The following DPYS variants were observed in gnomAD, a reference collection of about 807,000 sequenced individuals.
DPYS encodes the protein dihydropyrimidine amidohydrolase.
A neutral mutation model predicts 50.3 loss-of-function variants in DPYS; 39 were observed. The ratio of observed to expected loss-of-function variants is 0.78; its 90% CI spans 0.60 to 1.01. The LOEUF is 1.01. DPYS is among the 50% of genes least tolerant of loss of function. DPYS has a pLI of 0.00. For missense variants in DPYS, 659 were observed against 680.9 expected, an observed-to-expected ratio of 0.97 and a Z score of 0.36; for synonymous variants, 245 against 250.7, an observed-to-expected ratio of 0.98 and a Z score of 0.22.
intron 4 of DPYS, among the ~76,000 whole-genome samples, chr8:104,435,619 A>C (rs887376117): frequency 6.6e-6 from 1 of 152,110 alleles, no homozygotes; most frequent in Non-Finnish European, 1.5e-5. Flanking sequence ...AGGTGACACC[A>C]CTTTTGATGG....
chr8:104,447,560 T>C (rs1211697923), intron 2 of DPYS, 57 bp from the exon 3 acceptor site: 1 of 1,586,688 alleles, frequency 6.3e-7, no homozygotes, highest in Non-Finnish European at 8.6e-7. Context: ...AATGATAATT[T>C]CAACCTTCTC....
chr8:104,446,751 T>C (rs1446741575), intron 3 of DPYS, among the ~76,000 whole-genome samples: 1 of 152,164 alleles, frequency 6.6e-6, no homozygotes, highest in Non-Finnish European at 1.5e-5. Flanking sequence ...AGTCAGCTAA[T>C]ATAAAGGGCA....
chr8:104,456,501 T>C (rs1813930759), intron 1 of DPYS, among the ~76,000 whole-genome samples: 1 of 152,178 alleles, frequency 6.6e-6, no homozygotes, highest in Non-Finnish European at 1.5e-5. Flanking sequence ...GAACAACCAC[T>C]TATCTTTTGT....
intron 1 of DPYS, 64 bp downstream of exon 1, chr8:104,466,593 C>G: frequency 6.9e-7 from 1 of 1,453,674 alleles, no homozygotes; most frequent in Non-Finnish European, 9.1e-7. Flanking sequence ...GACCCCGGGA[C>G]GACTGGGGAG....
chr8:104,430,536 C>A (rs1025173497), intron 4 of DPYS, among the ~76,000 whole-genome samples: 4 of 152,124 alleles, frequency 2.6e-5, no homozygotes, highest in African/African-American at 9.7e-5. Context: ...TGCTGGCATA[C>A]CAAATTAGTT....
At chr8:104,452,758 T>C (rs548711431) in intron 1 of DPYS, among the ~76,000 whole-genome samples, 3 of 152,270 alleles carry the variant, frequency 2.0e-5, no homozygotes, top group Admixed American at 1.3e-4. Flanking sequence ...GAAGGACCAC[T>C]TGAGCCCGGG....
intron 1 of DPYS, among the ~76,000 whole-genome samples, chr8:104,457,141 A>G (rs1417767821): frequency 6.6e-6 from 1 of 152,216 alleles, no homozygotes; most frequent in East Asian, 1.9e-4. Flanking sequence ...AAATAGAACA[A>G]TTAGCCAGCA....
rs752886253 is a variant in DPYS, at chr8:104,429,659, G to A, written c.836C>T (p.Thr279Ile). The A allele has an allele frequency of 8.1e-6, 13 of 1,614,184 alleles. No homozygotes were observed. The highest frequency in any genetic ancestry group is 1.1e-5 in the South Asian group (1 of 91,088). ...YGEPIAASLG[T>I]DGTHYWNKEW... Reference sequence around the variant, plus strand: ...TTTATTCCAGTAGTGAGTGCCATCTGTGCCAAGACTGGCTGCTATGGGTTC... The same window carrying A: ...TTTATTCCAGTAGTGAGTGCCATCTATGCCAAGACTGGCTGCTATGGGTTC... The change falls in exon 5 of 10, where the codon ACA becomes ATA. Residue 279 changes from threonine (T) to isoleucine (I), a missense_variant. Coordinates refer to ENST00000351513, the MANE Select transcript of DPYS (RefSeq NM_001385.3).
At chr8:104,450,241 G>C (rs1588456013) in intron 2 of DPYS, among the ~76,000 whole-genome samples, 1 of 152,204 alleles carries the variant, frequency 6.6e-6, no homozygotes, top group East Asian at 1.9e-4. Context: ...AAGCATAAGA[G>C]TTCAGATGCA....
In DPYS at chr8:104,400,513, CTGAT is replaced by C. The variant is rs1417059594; in HGVS notation, c.1236-7526_1236-7523del. 5.9e-5 allele frequency among the ~76,000 whole-genome samples: 9 copies of C among 152,320 alleles called. No homozygotes were observed. In the East Asian group the frequency reaches 1.7e-3, roughly 29 times the overall value. On this transcript the variant is annotated intron_variant, in intron 7 of 9. Coordinates refer to ENST00000351513, the MANE Select transcript of DPYS (RefSeq NM_001385.3). ...GTGAGAAATACATTCTCTCTAATGA[CTGAT>C]TGGACAGCTAGGATTTTGGCCTGCT...
intron 6 of DPYS, among the ~76,000 whole-genome samples, chr8:104,426,241 T>C (rs1812716410): frequency 6.6e-6 from 1 of 152,154 alleles, no homozygotes; most frequent in Non-Finnish European, 1.5e-5. Context: ...AGTAAAGGGT[T>C]TTTGAGAGAA....
rs146026650 is a variant in DPYS, at chr8:104,407,138, A to G, written c.1236-14147T>C. On this transcript the variant is annotated intron_variant, in intron 7 of 9. Coordinates refer to ENST00000351513, the MANE Select transcript of DPYS (RefSeq NM_001385.3). Reference sequence around the variant, plus strand: ...AGTTTTTCATACATTATTTTATTCAATCCTCATTATTTTATTTAACCCTAT... The same window carrying G: ...AGTTTTTCATACATTATTTTATTCAGTCCTCATTATTTTATTTAACCCTAT... Among the ~76,000 whole-genome samples the G allele has an allele frequency of 2.0e-3, 311 of 152,270 alleles. 1 individual carries two copies. The highest frequency in any genetic ancestry group is 5.6e-3 in the African/African-American group (231 of 41,562).
intron 7 of DPYS, among the ~76,000 whole-genome samples, chr8:104,415,575 C>A (rs1239928645): frequency 1.3e-5 from 2 of 150,566 alleles, no homozygotes; most frequent in African/African-American, 4.9e-5. Flanking sequence ...TCATGCATAG[C>A]CCAGACTTTT....
intron 7 of DPYS, among the ~76,000 whole-genome samples, chr8:104,418,208 G>A (rs1460826227): frequency 1.3e-5 from 2 of 152,164 alleles, no homozygotes; most frequent in South Asian, 2.1e-4. Context: ...CTCGGGCTGC[G>A]GGCGCCCCCT....
chr8:104,461,670 C>A (rs1339806217), intron 1 of DPYS, among the ~76,000 whole-genome samples: 10 of 152,092 alleles, frequency 6.6e-5, no homozygotes, highest in Non-Finnish European at 1.3e-4. Context: ...AAGGAGAGGT[C>A]ACATTTGGTT....
intron 7 of DPYS, chr8:104,423,878 C>T (rs1812633897): frequency 5.6e-6 from 4 of 712,176 alleles, no homozygotes; most frequent in Admixed American, 6.3e-5. Flanking sequence ...TTTAAAAAGG[C>T]TGTAATTATT....
intron 1 of DPYS, among the ~76,000 whole-genome samples, chr8:104,463,961 G>A (rs1460034658): frequency 6.6e-6 from 1 of 152,178 alleles, no homozygotes; most frequent in East Asian, 1.9e-4. Flanking sequence ...GTTTCGGGGG[G>A]TGGGAGTGGT....
chr8:104,434,140 G>A (rs1337870690), intron 4 of DPYS, among the ~76,000 whole-genome samples: 3 of 140,136 alleles, frequency 2.1e-5, no homozygotes, highest in Non-Finnish European at 4.6e-5. Context: ...AGCTCAAAGT[G>A]GGGGCTTCCT....
intron 9 of DPYS, 56 bp downstream of exon 9, chr8:104,381,128 A>T (rs1811015970): frequency 7.1e-7 from 1 of 1,411,294 alleles, no homozygotes; most frequent in South Asian, 1.2e-5. Context: ...ATGAGGAGAG[A>T]TGCTAATTTC....
Sources: allele counts gnomAD v4.1 joint callset (sites outside exome capture counted in the v4.1 genomes callset), GRCh38; gene constraint gnomAD v4.1.1; transcripts MANE v1.5; gene names NCBI Gene and HGNC (gene_info 2026-07-23, HGNC 2026-07-21).